PMFBP1: variants seen among roughly 807,000 people sequenced by gnomAD.
PMFBP1 encodes polyamine-modulated factor 1-binding protein 1.
Under a neutral mutation model 137.8 loss-of-function variants are expected in PMFBP1, and 131 were observed. The observed-to-expected ratio is 0.95, with a 90% CI of 0.82 to 1.10. PMFBP1 has a LOEUF of 1.10. Among genes scored for constraint, PMFBP1 ranks in the 50% least tolerant of loss-of-function variants. The pLI is 0.00. For missense variants in PMFBP1, 1,199 were observed against 1,175.4 expected, an observed-to-expected ratio of 1.02 and a Z score of -0.29; for synonymous variants, 490 against 450.4, an observed-to-expected ratio of 1.09 and a Z score of -1.11.
intron 5 of PMFBP1, among the ~76,000 whole-genome samples, chr16:72,140,926 G>GTTT (rs1567629530): frequency 3.2e-4 from 27 of 83,554 alleles, no homozygotes; most frequent in African/African-American, 5.8e-4. Context: ...ACACAAATGA[G>GTTT]TCTTTTTTTT....
intron 10 of PMFBP1, among the ~76,000 whole-genome samples, chr16:72,131,401 C>G (rs1018744191): frequency 1.3e-5 from 2 of 152,102 alleles, no homozygotes; most frequent in African/African-American, 4.8e-5. Context: ...GAGCAGGAAT[C>G]TGACATAAAA....
Position 72,119,245 on chromosome 16 carries a change from A to T in PMFBP1, c.*93T>A, listed in dbSNP as rs2042340261. The T allele has an allele frequency of 7.1e-7, 1 of 1,407,340 alleles. No individual in the cohort carries two copies. Among genetic ancestry groups the T allele is most frequent in the East Asian group, 2.3e-5 (1 of 43,774 alleles). The allele number at this position is 1,407,340 out of a possible 1,614,324, so 87.2% of individuals were successfully genotyped here. A position where few individuals can be genotyped will look rare whatever the true frequency, so the allele number is the denominator to read the frequency against. On this transcript the variant is annotated 3_prime_UTR_variant, in exon 21 of 21. Transcript: ENST00000237353. Reference sequence around the variant, plus strand: ...TGGGACCGTGATATACTCCTGTAAGAGCTGATCCAGGTCAAGAGAGAGGGA... The same window carrying T: ...TGGGACCGTGATATACTCCTGTAAGTGCTGATCCAGGTCAAGAGAGAGGGA...
At chr16:72,135,799 T>G (rs1325248396) in intron 9 of PMFBP1, among the ~76,000 whole-genome samples, 2 of 135,362 alleles carry the variant, frequency 1.5e-5, no homozygotes, top group Non-Finnish European at 3.0e-5. Context: ...CAGGCTGGAG[T>G]GCATGGCATG....
At chr16:72,126,698 A>G (rs923016933) in intron 14 of PMFBP1, among the ~76,000 whole-genome samples, 2 of 152,260 alleles carry the variant, frequency 1.3e-5, no homozygotes, top group African/African-American at 4.8e-5. Flanking sequence ...TTAGGGATCA[A>G]TTGATCAACA....
intron 2 of PMFBP1, 95 bp from the exon 3 acceptor site, chr16:72,165,011 T>C: frequency 7.4e-7 from 1 of 1,348,326 alleles, no homozygotes; most frequent in Non-Finnish European, 9.9e-7. Flanking sequence ...TGAAATTTGC[T>C]GGAAATTTGT....
intron 17 of PMFBP1, 29 bp from the exon 18 acceptor site, chr16:72,123,678 C>T (rs1439556111): frequency 1.9e-6 from 3 of 1,599,108 alleles, no homozygotes; most frequent in Non-Finnish European, 2.6e-6. Flanking sequence ...ACGAGACAGT[C>T]AGAGGTGGGA....
rs372608409 is a variant in PMFBP1 at position 72,167,874 on chromosome 16, C to T, written c.13-2958G>A. ...TGAGGGCTCACTAACAAAATGCCAA[C>T]GATACACACTTGAGTCTCTCTAAAT... On this transcript the variant is annotated intron_variant, in intron 2 of 20. Coordinates refer to ENST00000237353, the MANE Select transcript of PMFBP1 (RefSeq NM_031293.3). 1.3e-3 allele frequency among the ~76,000 whole-genome samples: 198 copies of T among 152,310 alleles called. 1 individual carries two copies. Among genetic ancestry groups the T allele is most frequent in the African/African-American group, 1.5e-3 (64 of 41,572 alleles).
At chr16:72,135,424 T>C (rs980584062) in intron 9 of PMFBP1, among the ~76,000 whole-genome samples, 3 of 148,820 alleles carry the variant, frequency 2.0e-5, no homozygotes, top group Non-Finnish European at 4.5e-5. Flanking sequence ...ACCCTGTTGG[T>C]CAGGCTGGTC....
At chr16:72,164,230 G>C (rs2043108869) in intron 3 of PMFBP1, 2 of 375,070 alleles carry the variant, frequency 5.3e-6, no homozygotes, top group East Asian at 7.3e-5. Context: ...CATTGCTTGA[G>C]GGTTGCTTCT....
intron 13 of PMFBP1, 99 bp downstream of exon 13, chr16:72,128,967 G>T: frequency 6.5e-7 from 1 of 1,526,904 alleles, no homozygotes; most frequent in East Asian, 2.2e-5. Flanking sequence ...TCTTTCCTAA[G>T]CTCTGAGCAT....
the PMFBP1 span, among the ~76,000 whole-genome samples, chr16:72,228,609 C>G: frequency 1.3e-5 from 2 of 152,156 alleles, no homozygotes; most frequent in Non-Finnish European, 2.9e-5. Context: ...TCCCAGTCCC[C>G]AGCATAACGT....
At chr16:72,121,890 T>C (rs1414886108) in intron 19 of PMFBP1, among the ~76,000 whole-genome samples, 2 of 152,184 alleles carry the variant, frequency 1.3e-5, no homozygotes, top group Non-Finnish European at 2.9e-5. Context: ...GTCATTTTCT[T>C]TTTCACTTTT....
chr16:72,124,617 T>C (rs767316068), intron 17 of PMFBP1, 150 bp downstream of exon 17: 26 of 920,170 alleles, frequency 2.8e-5, no homozygotes, highest in Non-Finnish European at 4.3e-5. Context: ...CCAGCAGCTG[T>C]GGCTCTTGCT....
At position 72,130,739 on chromosome 16, in the gene PMFBP1, A is replaced by G. The variant is rs1440684728; in HGVS notation, c.1448-17T>C. 1 of 1,600,780 alleles carries G rather than the reference A, an allele frequency of 6.2e-7. No homozygotes were observed. The highest frequency in any genetic ancestry group is 8.5e-7 in the Non-Finnish European group (1 of 1,175,700). On this transcript the variant is annotated splice_polypyrimidine_tract_variant and intron_variant, in intron 10 of 20. Coordinates refer to ENST00000237353, the MANE Select transcript of PMFBP1 (RefSeq NM_031293.3). ...CTTGCTGAGCTGCAGAAGCAGGGAG[A>G]TGGCCATGTGAGAAGGGAGGGTGTA... is the stretch of plus-strand genomic sequence containing the variant.
chr16:72,246,015 T>C, the PMFBP1 span, among the ~76,000 whole-genome samples: 2 of 152,104 alleles, frequency 1.3e-5, no homozygotes, highest in Non-Finnish European at 1.5e-5. Context: ...CAAAAGACAG[T>C]CTACTCTGGA....
At chr16:72,247,734 C>A in the PMFBP1 span, among the ~76,000 whole-genome samples, 92 of 152,250 alleles carry the variant, frequency 6.0e-4, no homozygotes, top group Non-Finnish European at 9.0e-4. Context: ...TCTTGGGATA[C>A]AAAGAGCTTA....
chr16:72,175,210 C>A (rs1567646415), upstream of PMFBP1, among the ~76,000 whole-genome samples: 1 of 152,250 alleles, frequency 6.6e-6, no homozygotes, highest in East Asian at 1.9e-4. Context: ...TCCCTCCCTT[C>A]TGCCCCATCT....
At chr16:72,168,122 A>T (rs1256646371) in intron 2 of PMFBP1, among the ~76,000 whole-genome samples, 1 of 152,246 alleles carries the variant, frequency 6.6e-6, no homozygotes, top group Non-Finnish European at 1.5e-5. Context: ...GGAATAAATC[A>T]TCTTTCTTTG....
upstream of PMFBP1, among the ~76,000 whole-genome samples, chr16:72,180,265 G>T (rs1198042099): frequency 6.6e-6 from 1 of 152,168 alleles, no homozygotes; most frequent in Non-Finnish European, 1.5e-5. Context: ...ACATGGGACT[G>T]GTATTAGTCT....
Sources: gnomAD v4.1 joint callset for allele counts (sites outside exome capture counted in the v4.1 genomes callset) on GRCh38, gnomAD v4.1.1 for gene constraint, MANE v1.5 for transcripts, NCBI Gene and HGNC (gene_info 2026-07-23, HGNC 2026-07-21) for gene names.